PRICKLE1: variants seen among roughly 807,000 people sequenced by gnomAD.
The protein encoded by PRICKLE1 is prickle planar cell polarity protein 1.
In PRICKLE1, 14 loss-of-function variants were observed where a neutral mutation model predicts 70.2. That is an observed-to-expected ratio of 0.20 (90% confidence interval 0.13 to 0.31). PRICKLE1 has a LOEUF of 0.31. PRICKLE1 is among the 10% of genes least tolerant of loss of function. The pLI is 1.00. For synonymous variants in PRICKLE1, 357 were observed against 379.9 expected (o/e 0.94, Z 0.70); for missense variants, 821 against 1,026.2 (o/e 0.80, Z 2.73).
intron 1 of PRICKLE1, among the ~76,000 whole-genome samples, chr12:42,492,098 TA>T (rs766748720): frequency 0.04 from 5,709 of 143,972 alleles, 350 homozygotes; most frequent in African/African-American, 0.13. Flanking sequence ...CCATCTTAAA[TA>T]AAAAAAAAAA....
At chr12:42,465,604 T>C (rs572407170) in intron 6 of PRICKLE1, 1 of 312,358 alleles carries the variant, frequency 3.2e-6, no homozygotes, top group South Asian at 4.1e-5. Flanking sequence ...TTCTGGTCTA[T>C]CTACTGCCGC....
In PRICKLE1 at chr12:42,564,269, A is replaced by AAAAAAAAAG. The variant is rs71084673; in HGVS notation, c.-49+25195_-49+25196insCTTTTTTTT. Among the ~76,000 whole-genome samples, 82 of 124,936 alleles carry AAAAAAAAAG rather than the reference A, an allele frequency of 6.6e-4. 1 individual carries two copies. Among genetic ancestry groups the AAAAAAAAAG allele is most frequent in the Non-Finnish European group, 1.1e-3 (65 of 61,490 alleles). The allele number at this position is 124,936 out of a possible 152,430, so 82.0% of individuals were successfully genotyped here. ...GACTCTGTCTAAAAAAAAAAAAAAA[A>AAAAAAAAAG]AAAGAAAAGAAAAAAGAAAAAGGTC... On this transcript the variant is annotated intron_variant, in intron 1 of 7. Coordinates refer to ENST00000345127, the MANE Select transcript of PRICKLE1 (RefSeq NM_153026.3).
Position 42,458,747 on chromosome 12 carries a change from A to G in PRICKLE1, c.*1062T>C, listed in dbSNP as rs1251828634. The G allele has an allele frequency of 6.6e-6, 1 of 152,276 alleles. No homozygotes were observed. Among genetic ancestry groups the G allele is most frequent in the African/African-American group, 2.4e-5 (1 of 41,460 alleles). 9.4% of individuals were successfully genotyped at this position (152,276 alleles called of 1,614,324 possible). A position where few individuals can be genotyped will look rare whatever the true frequency, so the allele number is the denominator to read the frequency against. On this transcript the variant is annotated 3_prime_UTR_variant, in exon 8 of 8. Coordinates refer to ENST00000345127, the MANE Select transcript of PRICKLE1 (RefSeq NM_153026.3). ...GATAATCATCACCTTGCTGAAAATGAGAAAGGCACCCCCCGCAGGCAGGGG... is the reference window on the plus strand; with the variant it reads ...GATAATCATCACCTTGCTGAAAATGGGAAAGGCACCCCCCGCAGGCAGGGG...
intron 1 of PRICKLE1, among the ~76,000 whole-genome samples, chr12:42,519,440 T>C (rs1939669913): frequency 6.6e-6 from 1 of 151,934 alleles, no homozygotes; most frequent in African/African-American, 2.4e-5. Flanking sequence ...AGGGGATCCA[T>C]GCGCCTCGGC....
At position 42,497,259 on chromosome 12, in the gene PRICKLE1, T is replaced by G. The variant is rs186084750; in HGVS notation, c.-48-24695A>C. Among the ~76,000 whole-genome samples the G allele has an allele frequency of 2.0e-5, 3 of 152,200 alleles. No homozygotes were observed. In the East Asian group the frequency reaches 5.8e-4, roughly 29 times the overall value. The stretch of plus-strand genomic sequence containing the variant: ...GTAGTCAGAACACACAAAACATTTA[T>G]CGATGGCCGGGCGTGGTGGCTCACG... On this transcript the variant is annotated intron_variant, in intron 1 of 7. Coordinates refer to ENST00000345127, the MANE Select transcript of PRICKLE1 (RefSeq NM_153026.3).
At position 42,470,349 on chromosome 12, in the gene PRICKLE1, T is replaced by C. The variant is rs1311319381; in HGVS notation, c.143A>G (p.Tyr48Cys). The change falls in exon 3 of 8, where the codon TAT becomes TGT. Residue 48 changes from tyrosine (Y) to cysteine (C), a missense_variant. Tyr to Cys is a radical substitution (Grantham distance 194, BLOSUM62 -2). Coordinates refer to ENST00000345127, the MANE Select transcript of PRICKLE1 (RefSeq NM_153026.3). ...PGLRPEQIQL[Y>C]FACLPEEKVP... ...TTTTTCCTCTGGTAAGCAAGCAAAATAGAGCTGGATCTGCAAAAGAGACAG... is the reference window on the plus strand; with the variant it reads ...TTTTTCCTCTGGTAAGCAAGCAAAACAGAGCTGGATCTGCAAAAGAGACAG... The C allele has an allele frequency of 1.9e-6, 3 of 1,607,576 alleles. No homozygotes were observed. The highest frequency in any genetic ancestry group is 2.6e-6 in the Non-Finnish European group (3 of 1,174,188).
chr12:42,563,002 G>A (rs1940544238), intron 1 of PRICKLE1, among the ~76,000 whole-genome samples: 2 of 151,652 alleles, frequency 1.3e-5, no homozygotes, highest in South Asian at 4.2e-4. Flanking sequence ...GGCCCACATG[G>A]TGAAACCCTG....
At chr12:42,546,906 CT>C (rs1940224893) in intron 1 of PRICKLE1, among the ~76,000 whole-genome samples, 1 of 152,118 alleles carries the variant, frequency 6.6e-6, no homozygotes. Flanking sequence ...GTCCTTGGGC[CT>C]TTCACTTTCA....
intron 1 of PRICKLE1, among the ~76,000 whole-genome samples, chr12:42,585,212 C>T (rs532079834): frequency 1.3e-5 from 2 of 152,262 alleles, no homozygotes; most frequent in South Asian, 4.1e-4. Context: ...ATGATAGCTG[C>T]TTGCTAGTTT....
At chr12:42,566,061 G>A (rs1940616249) in intron 1 of PRICKLE1, among the ~76,000 whole-genome samples, 1 of 152,212 alleles carries the variant, frequency 6.6e-6, no homozygotes, top group Non-Finnish European at 1.5e-5. Flanking sequence ...GTTTGTGAAG[G>A]AGTGCAGAGC....
chr12:42,528,344 G>A (rs1359809558), intron 1 of PRICKLE1, among the ~76,000 whole-genome samples: 2 of 152,092 alleles, frequency 1.3e-5, no homozygotes, highest in South Asian at 2.1e-4. Context: ...AAAGTGCTGG[G>A]ATAATAGGCT....
intron 5 of PRICKLE1, among the ~76,000 whole-genome samples, chr12:42,467,120 A>G: frequency 6.6e-6 from 1 of 151,124 alleles, no homozygotes; most frequent in South Asian, 2.1e-4. Flanking sequence ...TTTTATTTTT[A>G]TTTTTTATTT....
intron 1 of PRICKLE1, among the ~76,000 whole-genome samples, chr12:42,478,635 T>C (rs1376119967): frequency 1.3e-5 from 2 of 151,528 alleles, no homozygotes; most frequent in African/African-American, 2.4e-5. Context: ...CAGAGTCAAG[T>C]AGAGAAATAA....
chr12:42,523,682 T>G (rs1297038075), intron 1 of PRICKLE1, among the ~76,000 whole-genome samples: 1 of 152,196 alleles, frequency 6.6e-6, no homozygotes, highest in Non-Finnish European at 1.5e-5. Flanking sequence ...CATTATACAG[T>G]ACAGGTGGAA....
At chr12:42,465,412 G>C (rs981763868) in intron 6 of PRICKLE1, 154 bp from the exon 7 acceptor site, 12 of 693,290 alleles carry the variant, frequency 1.7e-5, no homozygotes, top group Non-Finnish European at 2.6e-5. Flanking sequence ...TGTGGATTCT[G>C]TATTTGTGAG....
chr12:42,568,581 G>A (rs917929477), intron 1 of PRICKLE1, among the ~76,000 whole-genome samples: 1 of 152,236 alleles, frequency 6.6e-6, no homozygotes, highest in Non-Finnish European at 1.5e-5. Flanking sequence ...AAAATGAAAT[G>A]ACTGTAAGCA....
At chr12:42,577,067 C>T (rs1940816108) in intron 1 of PRICKLE1, among the ~76,000 whole-genome samples, 1 of 152,222 alleles carries the variant, frequency 6.6e-6, no homozygotes, top group Admixed American at 6.5e-5. Context: ...CAAACCCTCT[C>T]TAAGCCTCCC....
rs540126322 is a variant in PRICKLE1, at chr12:42,485,715, C to T, written c.-48-13151G>A. ...GCCAGGCAGACCCTTTTTGGAATAG[C>T]TTTTAAAGGACAGCTACATTAGGCA... On this transcript the variant is annotated intron_variant, in intron 1 of 7. Transcript: ENST00000345127. Among the ~76,000 whole-genome samples the T allele has an allele frequency of 4.6e-5, 7 of 152,304 alleles. No individual in the cohort carries two copies. In the East Asian group the frequency reaches 1.3e-3, roughly 29 times the overall value.
intron 1 of PRICKLE1, among the ~76,000 whole-genome samples, chr12:42,571,194 A>G (rs1395816571): frequency 6.6e-6 from 1 of 152,204 alleles, no homozygotes; most frequent in Non-Finnish European, 1.5e-5. Flanking sequence ...CTGTGAAAGG[A>G]GGTAAACATA....
Sources: gnomAD v4.1 joint callset for allele counts (sites outside exome capture counted in the v4.1 genomes callset) on GRCh38, gnomAD v4.1.1 for gene constraint, MANE v1.5 for transcripts, NCBI Gene and HGNC (gene_info 2026-07-23, HGNC 2026-07-21) for gene names.